Variants in BEND7 observed in about 807,000 individuals in gnomAD.
BEND7 encodes BEN domain containing 7, also known as BEN domain-containing protein 7.
BEND7 carries 28 observed loss-of-function variants against 50.9 expected under a neutral mutation model. The observed-to-expected ratio is 0.55, with a 90% CI of 0.41 to 0.75. The LOEUF is 0.75. Among genes scored for constraint, BEND7 ranks in the 30% least tolerant of loss-of-function variants. The probability of loss-of-function intolerance (pLI) is 0.00; values close to 1 mark genes in which losing one functional copy is unlikely to be tolerated. For synonymous variants in BEND7, 170 were observed against 183.9 expected (o/e 0.92, Z 0.61); for missense variants, 477 against 491.3 (o/e 0.97, Z 0.28).
At chr10:13,523,568 A>T (rs2079224855) in intron 2 of BEND7, among the ~76,000 whole-genome samples, 1 of 152,238 alleles carries the variant, frequency 6.6e-6, no homozygotes, top group Non-Finnish European at 1.5e-5. Context: ...GTACTTTGTT[A>T]TAGGGGAAAG....
chr10:13,441,220 T>C lies in BEND7; in HGVS notation c.*523A>G, dbSNP rs1041544362. 1.6e-5 allele frequency: 15 copies of C among 921,822 alleles called. No homozygotes were observed. The highest frequency in any genetic ancestry group is 1.8e-5 in the African/African-American group (1 of 55,838). The allele number at this position is 921,822 out of a possible 1,614,324, so 57.1% of individuals were successfully genotyped here. ...TTGAATTCTTTTTTAAAGAACATAG[T>C]AATTTTAAAAAATCTAAATATTTAC... On this transcript the variant is annotated 3_prime_UTR_variant, in exon 9 of 9. Transcript: ENST00000466271.
At chr10:13,514,438 C>A (rs1564405632) in intron 2 of BEND7, among the ~76,000 whole-genome samples, 1 of 152,178 alleles carries the variant, frequency 6.6e-6, no homozygotes, top group Non-Finnish European at 1.5e-5. Context: ...TCGGCCACAT[C>A]TTCCCATGAA....
chr10:13,456,856 T>A (rs1229958294), intron 6 of BEND7, among the ~76,000 whole-genome samples: 1 of 152,222 alleles, frequency 6.6e-6, no homozygotes, highest in Non-Finnish European at 1.5e-5. Context: ...AAATGGTCTA[T>A]CTGAATTAGC....
At chr10:13,448,741 C>T (rs1317169632) in intron 7 of BEND7, among the ~76,000 whole-genome samples, 39 of 151,898 alleles carry the variant, frequency 2.6e-4, no homozygotes, top group Admixed American at 2.4e-3. Context: ...TTTGGGAGGC[C>T]GAGGCGGGTG....
intron 2 of BEND7, among the ~76,000 whole-genome samples, chr10:13,516,801 T>C (rs552638158): frequency 1.6e-3 from 251 of 152,188 alleles, no homozygotes; most frequent in Non-Finnish European, 2.8e-3. Flanking sequence ...CAAACAAAAA[T>C]GCAAAGAGAT....
chr10:13,517,887 A>T (rs2078808608), intron 2 of BEND7, among the ~76,000 whole-genome samples: 1 of 152,194 alleles, frequency 6.6e-6, no homozygotes, highest in South Asian at 2.1e-4. Context: ...GCTACTGCTG[A>T]GGCACTGCTG....
chr10:13,486,051 A>C (rs1223889821), intron 5 of BEND7, among the ~76,000 whole-genome samples: 3 of 151,974 alleles, frequency 2.0e-5, no homozygotes, highest in African/African-American at 7.3e-5. Context: ...TTTAAATAAA[A>C]ATTTTTTCGT....
intron 7 of BEND7, among the ~76,000 whole-genome samples, chr10:13,450,916 T>C (rs1199081608): frequency 2.6e-5 from 4 of 152,008 alleles, no homozygotes; most frequent in Non-Finnish European, 4.4e-5. Flanking sequence ...GCCAGTCTGC[T>C]TGGGGGAAAG....
At chr10:13,464,462 T>G (rs1476291161) in intron 6 of BEND7, among the ~76,000 whole-genome samples, 1 of 151,982 alleles carries the variant, frequency 6.6e-6, no homozygotes, top group Non-Finnish European at 1.5e-5. Context: ...AAAACAATAA[T>G]GAATAGGATT....
chr10:13,484,666 A>T (rs2131817263), intron 5 of BEND7, among the ~76,000 whole-genome samples: 1 of 152,374 alleles, frequency 6.6e-6, no homozygotes, highest in South Asian at 2.1e-4. Flanking sequence ...GATTTTAGTG[A>T]TTACTGAAGT....
chr10:13,520,276 C>G (rs1003945510), intron 2 of BEND7, among the ~76,000 whole-genome samples: 1 of 152,172 alleles, frequency 6.6e-6, no homozygotes, highest in Non-Finnish European at 1.5e-5. Context: ...AGGCAGTAAA[C>G]AAGCCCTAGC....
intron 6 of BEND7, among the ~76,000 whole-genome samples, chr10:13,464,983 C>T (rs1013275839): frequency 2.0e-5 from 3 of 152,162 alleles, no homozygotes; most frequent in Admixed American, 6.5e-5. Flanking sequence ...TGACCTTCCC[C>T]GATAAGGCCT....
At chr10:13,518,678 T>C (rs2078870140) in intron 2 of BEND7, among the ~76,000 whole-genome samples, 1 of 152,188 alleles carries the variant, frequency 6.6e-6, no homozygotes, top group Non-Finnish European at 1.5e-5. Context: ...AAAAAAGAAG[T>C]TGTATCTCAC....
intron 2 of BEND7, 72 bp from the exon 3 acceptor site, chr10:13,500,152 G>A (rs2077337293): frequency 1.6e-6 from 2 of 1,276,196 alleles, no homozygotes; most frequent in Admixed American, 2.3e-5. Context: ...CCAAAAAGAA[G>A]AGAAAGAAAA....
downstream of BEND7, among the ~76,000 whole-genome samples, chr10:13,439,815 C>T (rs1835111091): frequency 6.6e-6 from 1 of 152,246 alleles, no homozygotes; most frequent in African/African-American, 2.4e-5. Context: ...CTCCGATCAA[C>T]ACCTTTCCCT....
At chr10:13,447,470 T>C (rs1157459234) in intron 7 of BEND7, 154 bp from the exon 8 acceptor site, 5 of 586,544 alleles carry the variant, frequency 8.5e-6, no homozygotes, top group Non-Finnish European at 1.4e-5. Context: ...ATATTACAGA[T>C]GTTAATATCA....
At position 13,483,487 on chromosome 10, in the gene BEND7, A is replaced by G. The variant is rs11814939; in HGVS notation, c.838-2363T>C. Among the ~76,000 whole-genome samples the G allele has an allele frequency of 9.3e-3, 1,422 of 152,360 alleles. 14 individuals carry two copies. Among genetic ancestry groups the G allele is most frequent in the African/African-American group, 0.032 (1,344 of 41,584 alleles). ...TATTTGTTAGAATAAACAAAACAAT[A>G]TGTAAGAATTCATTTAAAATGACTG... On this transcript the variant is annotated intron_variant, in intron 5 of 8. Transcript: ENST00000466271.
chr10:13,509,117 G>A (rs144012937), intron 2 of BEND7, among the ~76,000 whole-genome samples: 7 of 152,288 alleles, frequency 4.6e-5, no homozygotes, highest in South Asian at 2.1e-4. Context: ...GCTATCACAC[G>A]GCTTCTCAAA....
intron 6 of BEND7, among the ~76,000 whole-genome samples, chr10:13,455,522 G>A (rs915614236): frequency 2.6e-5 from 4 of 152,282 alleles, no homozygotes; most frequent in Middle Eastern, 3.4e-3. Context: ...AGAGAGGGGT[G>A]GAAGAAGAGG....
Sources: gnomAD v4.1 joint callset for allele counts (sites outside exome capture counted in the v4.1 genomes callset) on GRCh38, gnomAD v4.1.1 for gene constraint, MANE v1.5 for transcripts, NCBI Gene and HGNC (gene_info 2026-07-23, HGNC 2026-07-21) for gene names.